The following DGKD variants were observed in gnomAD, a reference collection of about 807,000 sequenced individuals.
DGKD encodes the protein diacylglycerol kinase delta, also known as DAG kinase delta.
Under a neutral mutation model 154.4 loss-of-function variants are expected in DGKD, and 68 were observed. The observed-to-expected ratio is 0.44, with a 90% CI of 0.36 to 0.54. DGKD has a LOEUF of 0.54. Among genes scored for constraint, DGKD ranks in the 20% least tolerant of loss-of-function variants. The pLI is 0.00. For missense variants in DGKD, 1,343 were observed against 1,593.6 expected, an observed-to-expected ratio of 0.84 and a Z score of 2.68; for synonymous variants, 693 against 638.0, an observed-to-expected ratio of 1.09 and a Z score of -1.30.
At chr2:233,443,125 C>T (rs2062954302) in intron 10 of DGKD, among the ~76,000 whole-genome samples, 1 of 152,238 alleles carries the variant, frequency 6.6e-6, no homozygotes, top group South Asian at 2.1e-4. Flanking sequence ...TTCCTCAGGG[C>T]TGTGCCAGCT....
chr2:233,447,868 G>A, intron 12 of DGKD: 13 of 1,384,946 alleles, frequency 9.4e-6, no homozygotes, highest in Non-Finnish European at 1.1e-5. Context: ...TTTGCCTGCA[G>A]CTTGACGAAG....
intron 1 of DGKD, among the ~76,000 whole-genome samples, chr2:233,384,477 C>A (rs1199594217): frequency 6.6e-6 from 1 of 152,116 alleles, no homozygotes; most frequent in African/African-American, 2.4e-5. Context: ...CATCACAGAC[C>A]TGCAGAGCTG....
chr2:233,447,743 C>T, intron 12 of DGKD: 1 of 1,108,854 alleles, frequency 9.0e-7, no homozygotes, highest in Non-Finnish European at 1.1e-6. Context: ...TGCAAACGGA[C>T]CCAAACCTGG....
Position 233,434,753 on chromosome 2 carries a change from G to T in DGKD, c.454-16G>T, listed in dbSNP as rs1265140656. On this transcript the variant is annotated splice_polypyrimidine_tract_variant and intron_variant, in intron 4 of 29. Transcript: ENST00000264057. ...AGAGAAGTCTTATCTTTGCCCTCTT[G>T]GTTTCGTTCTTCCAGCCCACCCAGT... The T allele has an allele frequency of 6.3e-7, 1 of 1,599,832 alleles. No homozygotes were observed. Among genetic ancestry groups the T allele is most frequent in the East Asian group, 2.2e-5 (1 of 44,646 alleles).
rs763344918 is a variant in DGKD, at chr2:233,441,331, C to T, written c.1086-556C>T. Among the ~76,000 whole-genome samples, 4 of 152,134 alleles carry T rather than the reference C, an allele frequency of 2.6e-5. No individual in the cohort carries two copies. The highest frequency in any genetic ancestry group is 9.7e-5 in the African/African-American group (4 of 41,430). On this transcript the variant is annotated intron_variant, in intron 9 of 29. Transcript: ENST00000264057. The surrounding 1 kb of genome is among the most constrained non-coding windows in gnomAD (Gnocchi z 5.6). ...TGTGCTGCAGTGGGGACACGCAGCC[C>T]GCAGCAGGTCAGGCAGCCTGGGGCT...
At chr2:233,389,593 A>T (rs543138259) in intron 2 of DGKD, among the ~76,000 whole-genome samples, 1 of 151,060 alleles carries the variant, frequency 6.6e-6, no homozygotes, top group East Asian at 1.9e-4. Context: ...AAAAAACACG[A>T]CAAAATAACC....
chr2:233,430,509 T>C (rs1465410272), intron 3 of DGKD, among the ~76,000 whole-genome samples: 1 of 152,222 alleles, frequency 6.6e-6, no homozygotes, highest in Middle Eastern at 3.2e-3. Flanking sequence ...CAATGTGATA[T>C]ACATGTTTGC....
intron 27 of DGKD, among the ~76,000 whole-genome samples, 181 bp downstream of exon 27, chr2:233,464,464 G>C (rs1191229056): frequency 6.6e-6 from 1 of 152,238 alleles, no homozygotes; most frequent in Non-Finnish European, 1.5e-5. Flanking sequence ...GGGACAGCAG[G>C]TAGGAAGGAG....
chr2:233,357,169 C>T (rs553763058), intron 1 of DGKD, among the ~76,000 whole-genome samples: 26 of 152,206 alleles, frequency 1.7e-4, no homozygotes, highest in Non-Finnish European at 3.4e-4. Context: ...CTGGCAGTGG[C>T]TGGAGCCTTG....
intron 3 of DGKD, among the ~76,000 whole-genome samples, chr2:233,411,469 T>C (rs2061829818): frequency 6.6e-6 from 1 of 152,242 alleles, no homozygotes; most frequent in Non-Finnish European, 1.5e-5. Context: ...TTCATGTGTT[T>C]GTTGGTCATT....
Position 233,450,777 on chromosome 2 carries a change from T to C in DGKD, c.2039-145T>C, listed in dbSNP as rs1283480047. 19 of 1,034,342 alleles carry C rather than the reference T, an allele frequency of 1.8e-5. No individual in the cohort carries two copies. In the East Asian group the frequency reaches 4.4e-4, roughly 24 times the overall value. 64.1% of individuals were successfully genotyped at this position (1,034,342 alleles called of 1,614,324 possible). ...ACCCACTCGGTCCTCCGCCCCCTTC[T>C]TTGTCCCACACACTTCACGCAACTG... On this transcript the variant is annotated intron_variant, in intron 16 of 29. Transcript: ENST00000264057.
In DGKD at chr2:233,436,320, CA is replaced by C; in HGVS notation, c.700del (p.Met234CysfsTer12). ...CGTGCCTCTGTTTGGTTGCAGATTG[CA>C]ATGCCCCACCAGTGGTTGGAAGGAA... ...KDIIEDADGIAMPHQWLEGNL... is the reference protein window; with the variant it reads ...KDIIEDADGIXMPHQWLEGNL... On this transcript the variant is annotated frameshift_variant, in exon 7 of 30. Coordinates refer to ENST00000264057, the MANE Select transcript of DGKD (RefSeq NM_152879.3). LOFTEE classifies it high-confidence loss of function. 6.2e-7 allele frequency: 1 copy of C among 1,614,198 alleles called. No individual in the cohort carries two copies. The highest frequency in any genetic ancestry group is 8.5e-7 in the Non-Finnish European group (1 of 1,180,032).
chr2:233,388,237 A>G lies in DGKD; in HGVS notation c.157-20A>G, dbSNP rs369241470. On this transcript the variant is annotated intron_variant, in intron 1 of 29. Coordinates refer to ENST00000264057, the MANE Select transcript of DGKD (RefSeq NM_152879.3). ...GCACCTTGAAAACGCAAGTTTATGAATATGTTTCTGTACTTTCAGACCATC... is the reference window on the plus strand; with the variant it reads ...GCACCTTGAAAACGCAAGTTTATGAGTATGTTTCTGTACTTTCAGACCATC... 489 of 1,603,618 alleles carry G rather than the reference A, an allele frequency of 3.0e-4. No individual in the cohort carries two copies. The highest frequency in any genetic ancestry group is 4.1e-4 in the Non-Finnish European group (483 of 1,177,240).
intron 1 of DGKD, among the ~76,000 whole-genome samples, chr2:233,385,077 A>C (rs148936116): frequency 8.5e-5 from 13 of 152,108 alleles, no homozygotes; most frequent in African/African-American, 3.1e-4. Context: ...AGAGGGGGCA[A>C]CCTCACCCTG....
chr2:233,383,593 T>C (rs551683224), intron 1 of DGKD, among the ~76,000 whole-genome samples: 5 of 152,346 alleles, frequency 3.3e-5, no homozygotes, highest in Non-Finnish European at 7.3e-5. Context: ...GCTGGACGTT[T>C]TGAAGTTCTT....
rs773499405 is a variant in DGKD, at chr2:233,438,393, A to G, written c.1085+14A>G. ...CCCACACCTCGGGTAGGAAGCTTGT[A>G]AAATATATCTTTCTTGGAGTTTTAA... On this transcript the variant is annotated intron_variant, in intron 9 of 29. Transcript: ENST00000264057. The surrounding 1 kb of genome is among the most constrained non-coding windows in gnomAD (Gnocchi z 4.1). 3 of 1,598,996 alleles carry G rather than the reference A, an allele frequency of 1.9e-6. No homozygotes were observed. Among genetic ancestry groups the G allele is most frequent in the South Asian group, 1.1e-5 (1 of 89,298 alleles).
At chr2:233,448,431 G>A (rs2063156379) in intron 14 of DGKD, 56 bp downstream of exon 14, 1 of 1,535,522 alleles carries the variant, frequency 6.5e-7, no homozygotes, top group Admixed American at 1.8e-5. Flanking sequence ...AGCTTGCTCT[G>A]TCACCAGCAG....
intron 2 of DGKD, chr2:233,388,592 C>T (rs1482082396): frequency 4.9e-6 from 2 of 412,192 alleles, no homozygotes; most frequent in Non-Finnish European, 4.3e-6. Context: ...TTAATGTCAT[C>T]GGTAATGGGG....
Position 233,429,473 on chromosome 2 carries a change from G to A in DGKD, c.349-4907G>A, listed in dbSNP as rs549057108. Reference sequence around the variant, plus strand: ...TGGCAGCTCCCAGTCTCCCATGACCGTCCCTCAGTGGCTGTCCAGAGACTC... The same window carrying A: ...TGGCAGCTCCCAGTCTCCCATGACCATCCCTCAGTGGCTGTCCAGAGACTC... On this transcript the variant is annotated intron_variant, in intron 3 of 29. Transcript: ENST00000264057. Among the ~76,000 whole-genome samples, 11 of 152,232 alleles carry A rather than the reference G, an allele frequency of 7.2e-5. No individual in the cohort carries two copies. The East Asian group carries it at 1.7e-3, about 24-fold the overall frequency.
Sources: allele counts gnomAD v4.1 joint callset (sites outside exome capture counted in the v4.1 genomes callset), GRCh38; gene constraint gnomAD v4.1.1; non-coding constraint Gnocchi (gnomAD v3.1); transcripts MANE v1.5; gene names NCBI Gene and HGNC (gene_info 2026-07-23, HGNC 2026-07-21).